TRPM3: variants seen among roughly 807,000 people sequenced by gnomAD.
TRPM3 encodes transient receptor potential cation channel subfamily M member 3, also known as long transient receptor potential channel 3.
TRPM3 carries 77 observed loss-of-function variants against 181.2 expected under a neutral mutation model. That is an observed-to-expected ratio of 0.42 (90% confidence interval 0.35 to 0.51). The LOEUF (loss-of-function observed/expected upper bound fraction) is 0.51. Among genes scored for constraint, TRPM3 ranks in the 20% least tolerant of loss-of-function variants. The probability of loss-of-function intolerance (pLI) is 0.01; values close to 1 mark genes in which losing one functional copy is unlikely to be tolerated. For missense variants in TRPM3, 1,759 were observed against 2,196.7 expected, an observed-to-expected ratio of 0.80 and a Z score of 3.98; for synonymous variants, 745 against 796.4, an observed-to-expected ratio of 0.94 and a Z score of 1.09.
At chr9:70,947,479 CT>C (rs145614164) in intron 1 of TRPM3, among the ~76,000 whole-genome samples, 1 of 151,992 alleles carries the variant, frequency 6.6e-6, no homozygotes. Context: ...TTTGTATTCA[CT>C]TTTTTTTCCT....
chr9:70,890,843 T>C (rs1589569569), intron 1 of TRPM3, among the ~76,000 whole-genome samples: 1 of 151,882 alleles, frequency 6.6e-6, no homozygotes, highest in South Asian at 2.1e-4. Flanking sequence ...AGGGAATTCA[T>C]AAAAGGATAG....
intron 1 of TRPM3, among the ~76,000 whole-genome samples, chr9:70,945,743 T>C (rs1239319404): frequency 2.0e-5 from 3 of 152,172 alleles, no homozygotes; most frequent in Admixed American, 2.0e-4. Context: ...TCTTGTCAGT[T>C]AGCAACCCTA....
At chr9:70,884,413 C>T (rs532016572) in intron 1 of TRPM3, among the ~76,000 whole-genome samples, 16 of 152,186 alleles carry the variant, frequency 1.1e-4, no homozygotes, top group Non-Finnish European at 2.4e-4. Context: ...CTGGTGAAAG[C>T]ATGCAGAACT....
intron 7 of TRPM3, among the ~76,000 whole-genome samples, chr9:70,778,464 G>C (rs1342176486): frequency 6.6e-6 from 1 of 152,054 alleles, no homozygotes; most frequent in Non-Finnish European, 1.5e-5. Flanking sequence ...TGTTAACTTG[G>C]AAAACAGTTT....
At chr9:71,168,398 G>T (rs1265503234) in intron 1 of TRPM3, among the ~76,000 whole-genome samples, 1 of 151,754 alleles carries the variant, frequency 6.6e-6, no homozygotes, top group East Asian at 1.9e-4. Flanking sequence ...GAAGACAGTA[G>T]TAAGTACTGA....
At position 70,610,472 on chromosome 9, in the gene TRPM3, G is replaced by A. The variant is rs79894398; in HGVS notation, c.2667+137C>T. 2,247 of 1,119,062 alleles carry A rather than the reference G, an allele frequency of 2.0e-3. 66 individuals are homozygous for A. In the East Asian group the frequency reaches 0.042, roughly 21 times the overall value. The allele number at this position is 1,119,062 out of a possible 1,614,324, so 69.3% of individuals were successfully genotyped here. On this transcript the variant is annotated intron_variant, in intron 19 of 25. Transcript: ENST00000677713. ...ACGCCACAAATCTTGCAGAGCTATTGAAAAAGCAAGGTCACAGAACTTTCA... is the reference window on the plus strand; with the variant it reads ...ACGCCACAAATCTTGCAGAGCTATTAAAAAAGCAAGGTCACAGAACTTTCA...
At chr9:70,787,763 C>CTTTTTTTTTTTTTTTTTTTTTTTTTTT in intron 6 of TRPM3, among the ~76,000 whole-genome samples, 14 of 68,556 alleles carry the variant, frequency 2.0e-4, no homozygotes, top group Non-Finnish European at 2.4e-4. Context: ...TTTTTGGATT[C>CTTTTTTTTTTTTTTTTTTTTTTTTTTT]TTTTTTTTTT....
chr9:71,161,412 T>G (rs2076266192), intron 1 of TRPM3, among the ~76,000 whole-genome samples: 1 of 152,116 alleles, frequency 6.6e-6, no homozygotes, highest in Admixed American at 6.5e-5. Flanking sequence ...AGGGTATGAG[T>G]ATGTGTATTT....
chr9:71,342,570 A>C (rs1423095162), intron 1 of TRPM3, among the ~76,000 whole-genome samples: 2 of 152,108 alleles, frequency 1.3e-5, no homozygotes, highest in Non-Finnish European at 2.9e-5. Context: ...ATACATATCC[A>C]AGTGCTGTCA....
chr9:71,002,196 G>A (rs1364945055), intron 1 of TRPM3, among the ~76,000 whole-genome samples: 1 of 152,036 alleles, frequency 6.6e-6, no homozygotes, highest in Non-Finnish European at 1.5e-5. Flanking sequence ...CAATCCATCC[G>A]TTCGCCTAGT....
chr9:70,684,582 A>G (rs1368691403), intron 8 of TRPM3, among the ~76,000 whole-genome samples: 2 of 151,816 alleles, frequency 1.3e-5, no homozygotes, highest in African/African-American at 4.8e-5. Flanking sequence ...TATATTTTTC[A>G]TATCTGCTTC....
intron 1 of TRPM3, among the ~76,000 whole-genome samples, chr9:71,090,700 T>A (rs1175400655): frequency 6.6e-6 from 1 of 152,184 alleles, no homozygotes; most frequent in Non-Finnish European, 1.5e-5. Context: ...AGTTCAAAGC[T>A]GGCTCTAGCA....
chr9:71,069,487 A>G (rs2062412026), intron 1 of TRPM3, among the ~76,000 whole-genome samples: 3 of 149,808 alleles, frequency 2.0e-5, no homozygotes, highest in Admixed American at 6.6e-5. Flanking sequence ...AAGAATGTGT[A>G]ATTGTGTTTA....
chr9:70,951,891 G>A (rs972392778), intron 1 of TRPM3, among the ~76,000 whole-genome samples: 4 of 152,194 alleles, frequency 2.6e-5, no homozygotes, highest in African/African-American at 7.2e-5. Context: ...CAACTGAACA[G>A]AGCTTTGCTC....
At chr9:71,353,932 T>G (rs11792248) in intron 1 of TRPM3, among the ~76,000 whole-genome samples, 2,044 of 152,302 alleles carry the variant, frequency 0.013, 44 homozygotes, top group African/African-American at 0.045. Flanking sequence ...AAGCCACAGA[T>G]GGTTGGTGAC....
intron 1 of TRPM3, among the ~76,000 whole-genome samples, chr9:71,191,000 C>T (rs1429672336): frequency 3.3e-5 from 5 of 151,952 alleles, no homozygotes; most frequent in South Asian, 4.1e-4. Context: ...TATATAAACA[C>T]CAGACACCGT....
chr9:70,901,881 C>T (rs758693302), intron 1 of TRPM3, among the ~76,000 whole-genome samples: 1 of 152,128 alleles, frequency 6.6e-6, no homozygotes, highest in Non-Finnish European at 1.5e-5. Context: ...TATGAAAGTG[C>T]TTTGTAAGCT....
chr9:71,279,457 T>G (rs956939967), intron 1 of TRPM3, among the ~76,000 whole-genome samples: 1 of 152,212 alleles, frequency 6.6e-6, no homozygotes, highest in Non-Finnish European at 1.5e-5. Context: ...AATCTAGACT[T>G]AAAAGGAAAA....
At chr9:71,024,497 T>A (rs2097875276) in intron 1 of TRPM3, among the ~76,000 whole-genome samples, 1 of 152,136 alleles carries the variant, frequency 6.6e-6, no homozygotes, top group African/African-American at 2.4e-5. Flanking sequence ...GCAGAATACA[T>A]CACTACCCAA....
Sources: gnomAD v4.1 joint callset for allele counts (sites outside exome capture counted in the v4.1 genomes callset) on GRCh38, gnomAD v4.1.1 for gene constraint, MANE v1.5 for transcripts, NCBI Gene and HGNC (gene_info 2026-07-23, HGNC 2026-07-21) for gene names.